FBXW8: variants seen among roughly 807,000 people sequenced by gnomAD.
The protein encoded by FBXW8 is F-box and WD repeat domain containing 8.
Under a neutral mutation model 65.3 loss-of-function variants are expected in FBXW8, and 57 were observed. The observed-to-expected ratio is 0.87, with a 90% CI of 0.71 to 1.09. The LOEUF (loss-of-function observed/expected upper bound fraction) is 1.09, where lower values mean the gene tolerates loss of function less well. FBXW8 is among the 50% of genes least tolerant of loss of function. The pLI, the probability that FBXW8 is intolerant of heterozygous loss-of-function variation, is 0.00. For missense variants in FBXW8, 777 were observed against 814.8 expected (o/e 0.95, Z 0.57); for synonymous variants, 308 against 330.2 (o/e 0.93, Z 0.73).
At position 116,945,756 on chromosome 12, in the gene FBXW8, G is replaced by A. The variant is rs543974361; in HGVS notation, c.588+228G>A. On this transcript the variant is annotated intron_variant, in intron 3 of 10. Transcript: ENST00000652555. ...GAACATCCTCTTATTCTGCAGGAGAGGAAGGGTGAGATTGGGTTGCCAGCC... is the reference window on the plus strand; with the variant it reads ...GAACATCCTCTTATTCTGCAGGAGAAGAAGGGTGAGATTGGGTTGCCAGCC... Among the ~76,000 whole-genome samples the A allele has an allele frequency of 1.1e-4, 16 of 152,320 alleles. No individual in the cohort carries two copies. The South Asian group carries it at 3.3e-3, about 32-fold the overall frequency.
chr12:116,991,095 G>A (rs1033299639), intron 7 of FBXW8, among the ~76,000 whole-genome samples: 1 of 152,214 alleles, frequency 6.6e-6, no homozygotes, highest in Non-Finnish European at 1.5e-5. Flanking sequence ...ATGTCTCTTT[G>A]GAAGCTGACA....
At position 117,018,044 on chromosome 12, in the gene FBXW8, A is replaced by C. The variant is rs576158072; in HGVS notation, c.1368-6103A>C. Among the ~76,000 whole-genome samples the C allele has an allele frequency of 3.3e-5, 5 of 152,268 alleles. No homozygotes were observed. In the East Asian group the frequency reaches 9.6e-4, roughly 29 times the overall value. ...TTATAATAAGTTATTCAGAGCTCTT[A>C]ACACAGGACCAACCAGAGCGTGCCT... On this transcript the variant is annotated intron_variant, in intron 8 of 10. Transcript: ENST00000652555.
chr12:116,938,495 A>G (rs955803824), intron 2 of FBXW8, among the ~76,000 whole-genome samples: 1 of 152,234 alleles, frequency 6.6e-6, no homozygotes, highest in Non-Finnish European at 1.5e-5. Flanking sequence ...ACCCTGTTGT[A>G]CAAATTTCAG....
At chr12:116,983,944 C>G (rs1214019395) in intron 5 of FBXW8, among the ~76,000 whole-genome samples, 1 of 152,154 alleles carries the variant, frequency 6.6e-6, no homozygotes, top group Non-Finnish European at 1.5e-5. Context: ...AGCAGCTCCC[C>G]TAAGTCCGTC....
intron 8 of FBXW8, among the ~76,000 whole-genome samples, chr12:117,022,506 T>A (rs1954123274): frequency 6.6e-6 from 1 of 151,700 alleles, no homozygotes; most frequent in Non-Finnish European, 1.5e-5. Context: ...AAAAAAAAAA[T>A]TAGCCTGGTG....
At chr12:117,004,714 T>C (rs1953634599) in intron 7 of FBXW8, among the ~76,000 whole-genome samples, 2 of 152,220 alleles carry the variant, frequency 1.3e-5, no homozygotes, top group Admixed American at 6.5e-5. Flanking sequence ...TGAATGTATG[T>C]AGCCCTGCAG....
intron 8 of FBXW8, among the ~76,000 whole-genome samples, chr12:117,017,572 A>G (rs1953981682): frequency 6.6e-6 from 1 of 152,216 alleles, no homozygotes; most frequent in African/African-American, 2.4e-5. Context: ...ATAAGGTTAT[A>G]TTTAAAATCC....
intron 1 of FBXW8, among the ~76,000 whole-genome samples, chr12:116,915,903 G>A (rs981865388): frequency 7.3e-5 from 11 of 151,520 alleles, no homozygotes; most frequent in Non-Finnish European, 1.3e-4. Flanking sequence ...TGCCCGCCTC[G>A]GCCTCCCGAA....
At chr12:116,995,797 C>T (rs939818247) in intron 7 of FBXW8, among the ~76,000 whole-genome samples, 4 of 152,202 alleles carry the variant, frequency 2.6e-5, no homozygotes, top group South Asian at 2.1e-4. Context: ...CCTCTGGCCT[C>T]ATCTCTTGTC....
chr12:116,957,404 T>C (rs1004776316), intron 4 of FBXW8, among the ~76,000 whole-genome samples: 1 of 152,154 alleles, frequency 6.6e-6, no homozygotes, highest in African/African-American at 2.4e-5. Context: ...AAAATATGAA[T>C]AGTAGCTTTA....
rs760015810 is a variant in FBXW8, at chr12:117,024,280, G to A, written c.1501G>A (p.Asp501Asn). The stretch of plus-strand genomic sequence containing the variant: ...CGAGGAAGGCCTGGTGTCCGTGTGG[G>A]ATTATCGGATGAACCAGAAGCTGTG... The part of the protein sequence containing the change: ...GGEEGLVSVW[D>N]YRMNQKLWEV... Residue 501 changes from aspartate (D) to asparagine (N), a missense_variant, in exon 9 of 11, where the codon GAT (aspartate) becomes AAT (asparagine). Asp to Asn is a conservative substitution (Grantham distance 23). Coordinates refer to ENST00000652555, the MANE Select transcript of FBXW8 (RefSeq NM_153348.3). The A allele has an allele frequency of 1.2e-6, 2 of 1,614,108 alleles. No individual in the cohort carries two copies. Among genetic ancestry groups the A allele is most frequent in the Non-Finnish European group, 1.7e-6 (2 of 1,180,038 alleles).
intron 5 of FBXW8, among the ~76,000 whole-genome samples, chr12:116,967,530 T>C (rs1271525404): frequency 6.6e-6 from 1 of 152,240 alleles, no homozygotes; most frequent in Non-Finnish European, 1.5e-5. Flanking sequence ...CAAAAGTATG[T>C]GAGAGTGACT....
rs1881475744 is a variant in FBXW8, at chr12:116,928,133, G to A, written c.423+6G>A. The A allele has an allele frequency of 1.9e-6, 3 of 1,555,654 alleles. No individual in the cohort carries two copies. Among genetic ancestry groups the A allele is most frequent in the Non-Finnish European group, 2.7e-6 (3 of 1,129,616 alleles). On this transcript the variant is annotated splice_donor_region_variant and intron_variant, in intron 2 of 10. Transcript: ENST00000652555. ...AACTAGGAAGATGTGCACAGGTAAG[G>A]TGTCACCAACAGATGTTCCAGATTT...
chr12:116,956,396 T>G (rs1037583846), intron 4 of FBXW8, among the ~76,000 whole-genome samples: 4 of 152,190 alleles, frequency 2.6e-5, no homozygotes, highest in Non-Finnish European at 4.4e-5. Flanking sequence ...AAAACAAAAC[T>G]GCCCATACCT....
At chr12:116,956,801 C>T (rs1883674461) in intron 4 of FBXW8, among the ~76,000 whole-genome samples, 1 of 151,864 alleles carries the variant, frequency 6.6e-6, no homozygotes, top group African/African-American at 2.4e-5. Context: ...AACCCTGTCT[C>T]TACTAAAAAT....
At chr12:116,956,978 A>T (rs1185225632) in intron 4 of FBXW8, among the ~76,000 whole-genome samples, 2 of 151,766 alleles carry the variant, frequency 1.3e-5, no homozygotes, top group African/African-American at 2.4e-5. Flanking sequence ...CAAAAAATAA[A>T]CAAAGTCATC....
At chr12:117,017,635 G>T (rs1953983221) in intron 8 of FBXW8, among the ~76,000 whole-genome samples, 1 of 152,022 alleles carries the variant, frequency 6.6e-6, no homozygotes, top group African/African-American at 2.4e-5. Context: ...ATCATGTATT[G>T]ATTTCTTTAA....
At chr12:116,918,592 A>G (rs1429997902) in intron 1 of FBXW8, among the ~76,000 whole-genome samples, 3 of 152,192 alleles carry the variant, frequency 2.0e-5, no homozygotes, top group Admixed American at 6.5e-5. Context: ...CTGCTTAGCA[A>G]CTCAAGGGAA....
intron 4 of FBXW8, among the ~76,000 whole-genome samples, chr12:116,952,731 T>C (rs913477309): frequency 4.6e-5 from 7 of 152,210 alleles, no homozygotes; most frequent in African/African-American, 1.7e-4. Context: ...CTTTTTAAAA[T>C]TTACATTTAA....
Sources: gnomAD v4.1 joint callset for allele counts (sites outside exome capture counted in the v4.1 genomes callset) on GRCh38, gnomAD v4.1.1 for gene constraint, MANE v1.5 for transcripts, NCBI Gene and HGNC (gene_info 2026-07-23, HGNC 2026-07-21) for gene names.